Variants in AGBL1 observed in about 807,000 individuals in gnomAD.
AGBL1 encodes the protein AGBL carboxypeptidase 1.
A neutral mutation model predicts 118.9 loss-of-function variants in AGBL1; 130 were observed. The observed-to-expected ratio is 1.09, with a 90% CI of 0.95 to 1.26. The LOEUF (loss-of-function observed/expected upper bound fraction) is 1.26. Among genes scored for constraint, AGBL1 ranks in the 50% most tolerant of loss-of-function variants. The probability of loss-of-function intolerance (pLI) is 0.00; values close to 1 mark genes in which losing one functional copy is unlikely to be tolerated. For synonymous variants in AGBL1, 555 were observed against 478.9 expected (o/e 1.16, Z -2.08); for missense variants, 1,584 against 1,298.1 (o/e 1.22, Z -3.38).
At chr15:86,861,809 A>G (rs2079562539) in intron 22 of AGBL1, among the ~76,000 whole-genome samples, 1 of 152,172 alleles carries the variant, frequency 6.6e-6, no homozygotes, top group African/African-American at 2.4e-5. Context: ...ATTTATTTGT[A>G]TTCATGGGTT....
intron 24 of AGBL1, among the ~76,000 whole-genome samples, chr15:87,016,107 T>C (rs2081605773): frequency 6.6e-6 from 1 of 152,230 alleles, no homozygotes; most frequent in Admixed American, 6.5e-5. Context: ...GCTAGTTTAA[T>C]TTAATGCTTT....
intron 21 of AGBL1, among the ~76,000 whole-genome samples, chr15:86,632,200 C>G (rs999070676): frequency 6.7e-6 from 1 of 150,178 alleles, no homozygotes; most frequent in Non-Finnish European, 1.5e-5. Flanking sequence ...CCCAGGAGTT[C>G]CAGGCTGCAG....
intron 23 of AGBL1, among the ~76,000 whole-genome samples, chr15:86,946,979 A>C (rs960513562): frequency 6.6e-6 from 1 of 152,078 alleles, no homozygotes; most frequent in African/African-American, 2.4e-5. Flanking sequence ...GCATCTTTTC[A>C]TATGGGCTTT....
At chr15:86,532,263 C>A (rs1237136851) in intron 19 of AGBL1, among the ~76,000 whole-genome samples, 34 of 151,812 alleles carry the variant, frequency 2.2e-4, no homozygotes, top group Non-Finnish European at 2.9e-5. Context: ...TCAGCAAAGT[C>A]TCAGGATACA....
At chr15:86,925,159 G>A (rs2080521211) in intron 23 of AGBL1, among the ~76,000 whole-genome samples, 1 of 22,516 alleles carries the variant, frequency 4.4e-5, no homozygotes, top group Non-Finnish European at 1.4e-4. Flanking sequence ...GGAGGAGGAG[G>A]AGGAGGAGGA....
rs1293754891 is a variant in AGBL1 at position 86,916,010 on chromosome 15, G to T, written c.*8716G>T. The T allele has an allele frequency of 6.6e-6, 1 of 152,134 alleles. No homozygotes were observed. The highest frequency in any genetic ancestry group is 1.5e-5 in the Non-Finnish European group (1 of 68,038). 9.4% of individuals were successfully genotyped at this position (152,134 alleles called of 1,614,324 possible). A position where few individuals can be genotyped will look rare whatever the true frequency, so the allele number is the denominator to read the frequency against. On this transcript the variant is annotated 3_prime_UTR_variant, in exon 23 of 23. Transcript: ENST00000614907. Reference sequence around the variant, plus strand: ...TGTTTCCTCCAAATGGCCTGTAGAGGTCAGAAAAGGGCCTTGTTTTCCAAT... The same window carrying T: ...TGTTTCCTCCAAATGGCCTGTAGAGTTCAGAAAAGGGCCTTGTTTTCCAAT...
At chr15:86,272,042 T>G (rs2079170925) in intron 15 of AGBL1, among the ~76,000 whole-genome samples, 1 of 152,232 alleles carries the variant, frequency 6.6e-6, no homozygotes, top group African/African-American at 2.4e-5. Flanking sequence ...TTATTTCCGC[T>G]GAACCCAGAG....
At chr15:86,577,373 C>G (rs1035851386) in intron 21 of AGBL1, among the ~76,000 whole-genome samples, 4 of 152,062 alleles carry the variant, frequency 2.6e-5, no homozygotes, top group Non-Finnish European at 5.9e-5. Context: ...GCAAAGCATT[C>G]AAGAGGTGAC....
intron 17 of AGBL1, among the ~76,000 whole-genome samples, chr15:86,378,960 T>G (rs1164123956): frequency 1.3e-5 from 2 of 151,840 alleles, no homozygotes; most frequent in African/African-American, 4.8e-5. Context: ...TCACCCAGGC[T>G]GGAGTGCAAT....
At chr15:86,492,687 G>A (rs1051830710) in intron 18 of AGBL1, among the ~76,000 whole-genome samples, 3 of 151,782 alleles carry the variant, frequency 2.0e-5, no homozygotes, top group Admixed American at 2.0e-4. Context: ...CCATTGATGA[G>A]TTTTAAGCAA....
intron 24 of AGBL1, among the ~76,000 whole-genome samples, chr15:86,998,692 G>C (rs12101946): frequency 0.53 from 80,099 of 152,022 alleles, 22,982 homozygotes; most frequent in South Asian, 0.71. Flanking sequence ...CTGATATACA[G>C]AATCTCATTT....
chr15:86,206,065 G>T (rs1274165751), intron 5 of AGBL1, among the ~76,000 whole-genome samples: 1 of 152,066 alleles, frequency 6.6e-6, no homozygotes, highest in African/African-American at 2.4e-5. Flanking sequence ...ATATGAGTGA[G>T]AACATGCAGT....
chr15:86,354,204 A>C (rs1438077755), intron 17 of AGBL1, among the ~76,000 whole-genome samples: 3 of 152,212 alleles, frequency 2.0e-5, no homozygotes, highest in East Asian at 3.8e-4. Context: ...TGTTAAGGTA[A>C]AATTGCTCCA....
At chr15:86,759,476 C>T (rs1056383200) in intron 22 of AGBL1, among the ~76,000 whole-genome samples, 2 of 152,082 alleles carry the variant, frequency 1.3e-5, no homozygotes, top group Non-Finnish European at 2.9e-5. Flanking sequence ...TAGTGCTGGG[C>T]ATCAAGGAAG....
chr15:86,844,505 A>G (rs934784904), intron 22 of AGBL1, among the ~76,000 whole-genome samples: 4 of 152,042 alleles, frequency 2.6e-5, no homozygotes, highest in African/African-American at 9.7e-5. Flanking sequence ...CCATTCATGT[A>G]TTTCTTTGGT....
chr15:86,887,321 A>G (rs887216181), intron 22 of AGBL1, among the ~76,000 whole-genome samples: 4 of 151,860 alleles, frequency 2.6e-5, no homozygotes, highest in Admixed American at 1.3e-4. Flanking sequence ...TTACTTTTAA[A>G]CTCTTCCTAT....
At chr15:86,201,390 A>T in intron 5 of AGBL1, among the ~76,000 whole-genome samples, 1 of 152,234 alleles carries the variant, frequency 6.6e-6, no homozygotes, top group Non-Finnish European at 1.5e-5. Context: ...TTTGACTATC[A>T]TTCTTGTCTT....
intron 6 of AGBL1, among the ~76,000 whole-genome samples, chr15:86,230,549 C>T (rs181533714): frequency 1.6e-3 from 243 of 152,322 alleles, no homozygotes; most frequent in Non-Finnish European, 2.5e-3. Context: ...GCTCCGGGCT[C>T]TGCCCTGCCT....
chr15:86,989,939 G>A (rs925591210), intron 24 of AGBL1, among the ~76,000 whole-genome samples: 2 of 152,190 alleles, frequency 1.3e-5, no homozygotes, highest in Admixed American at 1.3e-4. Context: ...GTAACAGTGT[G>A]AGTGGGGTTC....
Sources: allele counts gnomAD v4.1 joint callset (sites outside exome capture counted in the v4.1 genomes callset), GRCh38; gene constraint gnomAD v4.1.1; transcripts MANE v1.5; gene names NCBI Gene and HGNC (gene_info 2026-07-23, HGNC 2026-07-21).